The following GLDN variants were observed in gnomAD, a reference collection of about 807,000 sequenced individuals.
GLDN encodes the protein collomin.
A neutral mutation model predicts 56.5 loss-of-function variants in GLDN; 47 were observed. The ratio of observed to expected loss-of-function variants is 0.83; its 90% CI spans 0.66 to 1.06. GLDN has a LOEUF of 1.06. GLDN is among the 50% of genes least tolerant of loss of function. The pLI is 0.00. For missense variants in GLDN, 782 were observed against 714.3 expected, an observed-to-expected ratio of 1.09 and a Z score of -1.08; for synonymous variants, 332 against 278.8, an observed-to-expected ratio of 1.19 and a Z score of -1.90.
intron 4 of GLDN, among the ~76,000 whole-genome samples, chr15:51,390,190 G>A (rs1466010754): frequency 1.3e-5 from 2 of 152,228 alleles, no homozygotes; most frequent in Admixed American, 6.5e-5. Flanking sequence ...ATGTTATTAG[G>A]AAGATTAAAT....
chr15:51,398,218 C>T (rs1211540432), intron 6 of GLDN, among the ~76,000 whole-genome samples: 1 of 152,258 alleles, frequency 6.6e-6, no homozygotes, highest in Non-Finnish European at 1.5e-5. Context: ...TCCCAGCTCT[C>T]AGGGCATCTT....
intron 2 of GLDN, among the ~76,000 whole-genome samples, chr15:51,383,058 A>T (rs1007370177): frequency 6.6e-6 from 1 of 152,144 alleles, no homozygotes; most frequent in South Asian, 2.1e-4. Context: ...GGGACGGCCA[A>T]ATCTCAGCCC....
At chr15:51,366,798 C>A (rs1277629990) in intron 1 of GLDN, among the ~76,000 whole-genome samples, 2 of 152,010 alleles carry the variant, frequency 1.3e-5, no homozygotes, top group African/African-American at 2.4e-5. Flanking sequence ...GTGGTCCCAG[C>A]CACTCAGGAG....
In GLDN at chr15:51,357,421, T is replaced by C. The variant is rs74016727; in HGVS notation, c.363+15374T>C. Among the ~76,000 whole-genome samples, 215 of 152,340 alleles carry C rather than the reference T, an allele frequency of 1.4e-3. 1 individual carries two copies. Among genetic ancestry groups the C allele is most frequent in the African/African-American group, 5.0e-3 (208 of 41,556 alleles). On this transcript the variant is annotated intron_variant, in intron 1 of 9. Coordinates refer to ENST00000335449, the MANE Select transcript of GLDN (RefSeq NM_181789.4). ...AGCGGTGAGTAACACTGGACCCCTT[T>C]CACTTGCTATTCTGTTCTATCTTCT...
Position 51,406,323 on chromosome 15 carries a change from A to C in GLDN, c.*1569A>C, listed in dbSNP as rs2038381985. The C allele has an allele frequency of 6.6e-6, 1 of 152,186 alleles. No homozygotes were observed. Among genetic ancestry groups the C allele is most frequent in the African/African-American group, 2.4e-5 (1 of 41,450 alleles). 9.4% of individuals were successfully genotyped at this position (152,186 alleles called of 1,614,324 possible). A position where few individuals can be genotyped will look rare whatever the true frequency, so the allele number is the denominator to read the frequency against. On this transcript the variant is annotated 3_prime_UTR_variant, in exon 10 of 10. Coordinates refer to ENST00000335449, the MANE Select transcript of GLDN (RefSeq NM_181789.4). ...CAGCGCTGCGGCCCCGGGAAGGGCC[A>C]CTGCGAATAGAGAGGAAGCTGGAAA... is the stretch of plus-strand genomic sequence containing the variant.
chr15:51,394,016 A>C (rs2141120244), intron 4 of GLDN, among the ~76,000 whole-genome samples: 1 of 152,346 alleles, frequency 6.6e-6, no homozygotes, highest in Middle Eastern at 3.4e-3. Flanking sequence ...TGGAGATGGA[A>C]TCAGAGGTGC....
Position 51,404,399 on chromosome 15 carries a change from T to C in GLDN, c.1301T>C (p.Leu434Pro). Reference sequence around the variant, plus strand: ...AATCTAGCTGTAGATGAAAAGGGCCTTTGGATTATCTATGCGTCAAGTGTG... The same window carrying C: ...AATCTAGCTGTAGATGAAAAGGGCCCTTGGATTATCTATGCGTCAAGTGTG... ...YFNLAVDEKGLWIIYASSVDG... is the reference protein window; with the variant it reads ...YFNLAVDEKGPWIIYASSVDG... The change falls in exon 10 of 10, where the codon CTT (leucine) becomes CCT (proline). Residue 434 changes from leucine to proline, a missense_variant. Leu to Pro is a moderately conservative substitution (Grantham distance 98, BLOSUM62 -3). Coordinates refer to ENST00000335449, the MANE Select transcript of GLDN (RefSeq NM_181789.4). 1 of 1,614,220 alleles carries C rather than the reference T, an allele frequency of 6.2e-7. No homozygotes were observed. Among genetic ancestry groups the C allele is most frequent in the Non-Finnish European group, 8.5e-7 (1 of 1,180,040 alleles).
At position 51,373,409 on chromosome 15, in the gene GLDN, C is replaced by T. The variant is rs116812824; in HGVS notation, c.364-4040C>T. Among the ~76,000 whole-genome samples the T allele has an allele frequency of 8.8e-3, 1,335 of 152,268 alleles. 20 individuals are homozygous for T. Among genetic ancestry groups the T allele is most frequent in the African/African-American group, 0.03 (1,261 of 41,550 alleles). On this transcript the variant is annotated intron_variant, in intron 1 of 9. Transcript: ENST00000335449. Reference sequence around the variant, plus strand: ...CCATGTTTGGTTGCGGATGCAGAACCTGTGTATATGGATAACTGACTATAT... The same window carrying T: ...CCATGTTTGGTTGCGGATGCAGAACTTGTGTATATGGATAACTGACTATAT...
At chr15:51,354,091 T>C (rs1321814839) in intron 1 of GLDN, among the ~76,000 whole-genome samples, 1 of 152,188 alleles carries the variant, frequency 6.6e-6, no homozygotes, top group Non-Finnish European at 1.5e-5. Flanking sequence ...CAAGGCCAAC[T>C]AAAGATCGTT....
intron 2 of GLDN, among the ~76,000 whole-genome samples, chr15:51,382,272 T>C (rs1475660855): frequency 1.3e-5 from 2 of 152,190 alleles, no homozygotes; most frequent in Admixed American, 1.3e-4. Context: ...GAGACTTCAC[T>C]GTAGCTCTCT....
chr15:51,412,890 A>G (rs566963447), downstream of GLDN, among the ~76,000 whole-genome samples: 1 of 152,324 alleles, frequency 6.6e-6, no homozygotes, highest in East Asian at 1.9e-4. Flanking sequence ...TTTACCGTCT[A>G]TGAGCTTAAA....
chr15:51,378,900 G>C (rs928982266), intron 2 of GLDN, among the ~76,000 whole-genome samples: 1 of 152,218 alleles, frequency 6.6e-6, no homozygotes, highest in African/African-American at 2.4e-5. Flanking sequence ...GGTGGACACA[G>C]AGCATTGGTC....
At chr15:51,364,990 A>G (rs564081991) in intron 1 of GLDN, among the ~76,000 whole-genome samples, 2 of 152,378 alleles carry the variant, frequency 1.3e-5, no homozygotes, top group East Asian at 3.9e-4. Context: ...TCAAATAAGA[A>G]TTCAAAGCAC....
downstream of GLDN, among the ~76,000 whole-genome samples, chr15:51,412,009 A>G (rs1433367948): frequency 1.3e-5 from 2 of 152,250 alleles, no homozygotes; most frequent in Admixed American, 6.5e-5. Context: ...AAGCTAGGAA[A>G]GAAATACTAT....
chr15:51,359,896 G>A (rs940504419), intron 1 of GLDN, among the ~76,000 whole-genome samples: 3 of 150,568 alleles, frequency 2.0e-5, no homozygotes, highest in African/African-American at 7.4e-5. Context: ...GGAGAATGAT[G>A]TGAACCCGGG....
At position 51,355,810 on chromosome 15, in the gene GLDN, A is replaced by G. The variant is rs562454741; in HGVS notation, c.363+13763A>G. Among the ~76,000 whole-genome samples the G allele has an allele frequency of 3.4e-4, 50 of 147,822 alleles. No individual in the cohort carries two copies. The East Asian group carries it at 0.01, about 30-fold the overall frequency. On this transcript the variant is annotated intron_variant, in intron 1 of 9. Coordinates refer to ENST00000335449, the MANE Select transcript of GLDN (RefSeq NM_181789.4). ...AGTGCTGGGATTACAGGCGTGAGCC[A>G]CCACACCCGGCCCTACTGCATGCTG...
At chr15:51,350,313 G>C (rs145021538) in intron 1 of GLDN, among the ~76,000 whole-genome samples, 153 of 152,284 alleles carry the variant, frequency 1.0e-3, no homozygotes, top group African/African-American at 3.6e-3. Context: ...TTGATTGAAG[G>C]AGAGAGATGC....
chr15:51,363,937 G>T (rs1033365793), intron 1 of GLDN, among the ~76,000 whole-genome samples: 2 of 152,014 alleles, frequency 1.3e-5, no homozygotes, highest in Non-Finnish European at 2.9e-5. Context: ...CACTTGCATT[G>T]TCTCCATTGA....
Position 51,404,876 on chromosome 15 carries a change from A to G in GLDN, c.*122A>G. 1 of 672,136 alleles carries G rather than the reference A, an allele frequency of 1.5e-6. No individual in the cohort carries two copies. The highest frequency in any genetic ancestry group is 2.6e-6 in the Non-Finnish European group (1 of 378,364). The allele number at this position is 672,136 out of a possible 1,614,324, so 41.6% of individuals were successfully genotyped here. ...TTAGAAAATAACCTCAAAAGTGTTT[A>G]TATGGTCAGTGAGCCCCGCTTAGTG... On this transcript the variant is annotated 3_prime_UTR_variant, in exon 10 of 10. Coordinates refer to ENST00000335449, the MANE Select transcript of GLDN (RefSeq NM_181789.4).
Sources: gnomAD v4.1 joint callset for allele counts (sites outside exome capture counted in the v4.1 genomes callset) on GRCh38, gnomAD v4.1.1 for gene constraint, MANE v1.5 for transcripts, NCBI Gene and HGNC (gene_info 2026-07-23, HGNC 2026-07-21) for gene names.